The following ARHGAP42 variants were observed in gnomAD, a reference collection of about 807,000 sequenced individuals.
ARHGAP42 encodes the protein Rho GTPase activating protein 42, also known as rho GTPase-activating protein 42.
ARHGAP42 carries 63 observed loss-of-function variants against 125.0 expected under a neutral mutation model. That is an observed-to-expected ratio of 0.50 (90% CI 0.41 to 0.62). The LOEUF (loss-of-function observed/expected upper bound fraction) is 0.62, where lower values mean the gene tolerates loss of function less well. Ranked by LOEUF, ARHGAP42 falls within the 20% of genes least tolerant of loss-of-function variation. The pLI is 0.00. For missense variants in ARHGAP42, 766 were observed against 1,024.2 expected (o/e 0.75, Z 3.44); for synonymous variants, 339 against 351.0 (o/e 0.97, Z 0.38).
chr11:100,976,176 T>A lies in ARHGAP42; in HGVS notation c.1975T>A (p.Ser659Thr), dbSNP rs1423390210. Residue 659 changes from serine (S) to threonine (T), a missense_variant, in exon 20 of 24, where the codon TCT becomes ACT. Coordinates refer to ENST00000298815, the MANE Select transcript of ARHGAP42 (RefSeq NM_152432.4). ...KSASCQPREK[S>T]GGIPWIATPS... The stretch of plus-strand genomic sequence containing the variant: ...AGCTTCCTGCCAGCCCAGGGAGAAA[T>A]CTGGAGGGATTCCTTGGATTGCAAC... The A allele has an allele frequency of 1.9e-6, 3 of 1,551,512 alleles. No homozygotes were observed.
At chr11:100,753,479 G>A (rs991314940) in intron 1 of ARHGAP42, among the ~76,000 whole-genome samples, 1 of 152,208 alleles carries the variant, frequency 6.6e-6, no homozygotes, top group Non-Finnish European at 1.5e-5. Context: ...TGTGGCTGGA[G>A]CAATTTCAAG....
intron 1 of ARHGAP42, among the ~76,000 whole-genome samples, chr11:100,700,125 G>A (rs1835614118): frequency 6.6e-6 from 1 of 152,068 alleles, no homozygotes; most frequent in African/African-American, 2.4e-5. Flanking sequence ...AAATTTTTTG[G>A]TTTCCCAGTG....
At chr11:100,804,024 C>T (rs1374104510) in intron 3 of ARHGAP42, among the ~76,000 whole-genome samples, 2 of 152,198 alleles carry the variant, frequency 1.3e-5, no homozygotes, top group African/African-American at 4.8e-5. Flanking sequence ...CAGAATCTCA[C>T]TCTGTCACCT....
chr11:100,891,685 C>T (rs1866223209), intron 4 of ARHGAP42, among the ~76,000 whole-genome samples: 1 of 152,144 alleles, frequency 6.6e-6, no homozygotes, highest in Admixed American at 6.5e-5. Context: ...TCAGGTGATC[C>T]ACCCACCTTG....
intron 7 of ARHGAP42, among the ~76,000 whole-genome samples, chr11:100,935,154 G>A (rs149336570): frequency 2.3e-3 from 355 of 151,642 alleles, no homozygotes; most frequent in African/African-American, 7.6e-3. Context: ...TTTTAAAATG[G>A]GGAATAAACT....
intron 1 of ARHGAP42, among the ~76,000 whole-genome samples, chr11:100,753,919 G>A (rs1415724472): frequency 6.6e-6 from 1 of 152,120 alleles, no homozygotes; most frequent in African/African-American, 2.4e-5. Context: ...AAGAGTCTTT[G>A]GTTTCTTCCC....
intron 22 of ARHGAP42, among the ~76,000 whole-genome samples, chr11:100,979,361 A>C (rs1265286422): frequency 1.3e-5 from 2 of 151,942 alleles, no homozygotes; most frequent in African/African-American, 4.8e-5. Context: ...TTTCAAAAGC[A>C]TGTTCTTGAT....
chr11:100,772,310 A>G lies in ARHGAP42; in HGVS notation c.250+1872A>G, dbSNP rs200601379. Among the ~76,000 whole-genome samples the G allele has an allele frequency of 7.9e-5, 12 of 152,216 alleles. No individual in the cohort carries two copies. In the East Asian group the frequency reaches 1.7e-3, roughly 22 times the overall value. ...GGAGAAATCTCTGGGCAGGGTACAG[A>G]GTCCTTATACAAGCTTTCTCTGCAT... On this transcript the variant is annotated intron_variant, in intron 2 of 23. Coordinates refer to ENST00000298815, the MANE Select transcript of ARHGAP42 (RefSeq NM_152432.4).
intron 1 of ARHGAP42, among the ~76,000 whole-genome samples, chr11:100,764,481 G>A (rs1177271397): frequency 3.3e-5 from 5 of 152,184 alleles, no homozygotes; most frequent in Admixed American, 2.0e-4. Flanking sequence ...GGCCCTCATA[G>A]CTTTGTGTAA....
chr11:100,811,136 A>G (rs1253112118), intron 3 of ARHGAP42, among the ~76,000 whole-genome samples: 2 of 152,066 alleles, frequency 1.3e-5, no homozygotes, highest in Non-Finnish European at 2.9e-5. Flanking sequence ...TTGTATTTTA[A>G]GTAGAGATGG....
At chr11:100,776,997 A>G (rs1165767956) in intron 2 of ARHGAP42, among the ~76,000 whole-genome samples, 1 of 151,908 alleles carries the variant, frequency 6.6e-6, no homozygotes, top group African/African-American at 2.4e-5. Flanking sequence ...AAAAAAAAAA[A>G]AAAACACGAA....
intron 2 of ARHGAP42, among the ~76,000 whole-genome samples, chr11:100,793,276 T>G (rs1177713536): frequency 6.6e-6 from 1 of 152,198 alleles, no homozygotes; most frequent in African/African-American, 2.4e-5. Context: ...TATAATATGC[T>G]GTTATACACT....
rs745381257 is a variant in ARHGAP42 at position 100,976,898 on chromosome 11, C to G, written c.2320C>G (p.Leu774Val). ...ETPKASPNPD[L>V]PPKMCRRLRL... ...ACCCAAAGCTTCACCAAACCCAGAC[C>G]TGCCTCCGAAAATGTGCAGGAGATT... Residue 774 changes from leucine (L) to valine (V), a missense_variant, in exon 21 of 24, where the codon CTG becomes GTG. By Grantham distance (32) the Leu-to-Val change is conservative. Around this residue, in one of 3 missense-constraint regions of ARHGAP42, gnomAD observed 308 missense variants for 369.7 expected, o/e 0.83. Coordinates refer to ENST00000298815, the MANE Select transcript of ARHGAP42 (RefSeq NM_152432.4). 4 of 1,551,562 alleles carry G rather than the reference C, an allele frequency of 2.6e-6. No individual in the cohort carries two copies. The South Asian group carries it at 4.8e-5, about 18-fold the overall frequency.
At chr11:100,755,394 T>C (rs577995310) in intron 1 of ARHGAP42, among the ~76,000 whole-genome samples, 1 of 152,370 alleles carries the variant, frequency 6.6e-6, no homozygotes, top group East Asian at 1.9e-4. Context: ...TAAAAAGTTA[T>C]GAGCATATGG....
intron 17 of ARHGAP42, among the ~76,000 whole-genome samples, chr11:100,970,395 T>G (rs6590834): frequency 6.6e-5 from 10 of 151,910 alleles, no homozygotes; most frequent in African/African-American, 2.4e-4. Context: ...ATGACCACAG[T>G]CACCCAGGGA....
At chr11:100,868,239 A>G (rs1865618522) in intron 4 of ARHGAP42, among the ~76,000 whole-genome samples, 1 of 152,208 alleles carries the variant, frequency 6.6e-6, no homozygotes, top group African/African-American at 2.4e-5. Context: ...GCAATATCTA[A>G]TGTACAGTAA....
At chr11:100,975,970 G>C in intron 19 of ARHGAP42, 87 bp from the exon 20 acceptor site, 1 of 1,399,120 alleles carries the variant, frequency 7.1e-7, no homozygotes, top group Non-Finnish European at 9.4e-7. Context: ...AGAACACATG[G>C]TAAGTTGGAG....
intron 22 of ARHGAP42, 99 bp from the exon 23 acceptor site, chr11:100,987,414 T>C: frequency 3.0e-6 from 3 of 991,460 alleles, no homozygotes; most frequent in Non-Finnish European, 4.6e-6. Flanking sequence ...TATGTTCCAA[T>C]TACAAGTAAA....
intron 1 of ARHGAP42, among the ~76,000 whole-genome samples, chr11:100,699,614 C>T (rs183748970): frequency 7.1e-6 from 1 of 139,970 alleles, no homozygotes; most frequent in East Asian, 2.2e-4. Context: ...CCTCTGCCTC[C>T]TGGGTTCAAG....
Sources: gnomAD v4.1 joint callset for allele counts (sites outside exome capture counted in the v4.1 genomes callset) on GRCh38, gnomAD v4.1.1 for gene constraint, gnomAD v4.1.1 regional missense constraint, MANE v1.5 for transcripts, NCBI Gene and HGNC (gene_info 2026-07-23, HGNC 2026-07-21) for gene names.